The following SLC25A26 variants were observed in gnomAD, a reference collection of about 807,000 sequenced individuals.
SLC25A26 encodes mitochondrial S-adenosylmethionine carrier protein.
Under a neutral mutation model 37.8 loss-of-function variants are expected in SLC25A26, and 36 were observed. That is an observed-to-expected ratio of 0.95 (90% CI 0.73 to 1.26). The LOEUF (loss-of-function observed/expected upper bound fraction) is 1.26. Ranked by LOEUF, SLC25A26 falls within the 50% of genes most tolerant of loss-of-function variation. SLC25A26 has a pLI of 0.00. For synonymous variants in SLC25A26, 129 were observed against 122.5 expected (o/e 1.05, Z -0.35); for missense variants, 390 against 331.1 (o/e 1.18, Z -1.38).
chr3:66,185,795 C>T (rs965439993), intron 1 of SLC25A26, among the ~76,000 whole-genome samples: 14 of 151,918 alleles, frequency 9.2e-5, no homozygotes, highest in African/African-American at 3.4e-4. Flanking sequence ...CTGACTCTCA[C>T]CTCTCTTTGA....
chr3:66,260,453 C>A (rs1240166179), intron 3 of SLC25A26, among the ~76,000 whole-genome samples: 1 of 152,164 alleles, frequency 6.6e-6, no homozygotes, highest in Non-Finnish European at 1.5e-5. Context: ...CAGATGATAT[C>A]GTTTTGTAAA....
At chr3:66,162,896 A>T (rs1329519678) in intron 1 of SLC25A26, among the ~76,000 whole-genome samples, 1 of 152,194 alleles carries the variant, frequency 6.6e-6, no homozygotes, top group Non-Finnish European at 1.5e-5. Context: ...CAGCTGAGAA[A>T]GCTTAGGCTC....
rs369565166 is a variant in SLC25A26, at chr3:66,361,576, C to T, written c.499-1284C>T. Among the ~76,000 whole-genome samples the T allele has an allele frequency of 1.4e-4, 21 of 152,228 alleles. No homozygotes were observed. In the East Asian group the frequency reaches 2.5e-3, roughly 18 times the overall value. On this transcript the variant is annotated intron_variant, in intron 6 of 9. Coordinates refer to ENST00000354883, the MANE Select transcript of SLC25A26 (RefSeq NM_001379210.1). ...GATACGGTAACCCAGTACAAATGTG[C>T]AACATATTTGAACAGACACTTCACC...
chr3:66,272,841 T>C (rs2107367925), intron 5 of SLC25A26, among the ~76,000 whole-genome samples: 1 of 152,136 alleles, frequency 6.6e-6, no homozygotes, highest in East Asian at 1.9e-4. Flanking sequence ...TGAATAGGAG[T>C]GGTGAGAGAG....
At chr3:66,313,745 T>G (rs1002604286) in intron 5 of SLC25A26, among the ~76,000 whole-genome samples, 2 of 152,240 alleles carry the variant, frequency 1.3e-5, no homozygotes, top group Non-Finnish European at 2.9e-5. Flanking sequence ...ATTCTTCCTA[T>G]CCATGAGCGT....
intron 1 of SLC25A26, among the ~76,000 whole-genome samples, chr3:66,150,514 T>C (rs2070184102): frequency 9.8e-6 from 1 of 101,820 alleles, no homozygotes; most frequent in African/African-American, 4.2e-5. Context: ...AAAAAATATA[T>C]ATATATAATG....
chr3:66,151,321 A>G (rs1172196171), intron 1 of SLC25A26, among the ~76,000 whole-genome samples: 1 of 152,104 alleles, frequency 6.6e-6, no homozygotes, highest in Non-Finnish European at 1.5e-5. Flanking sequence ...CTACTCTGCT[A>G]GGTTACGAGG....
intron 5 of SLC25A26, among the ~76,000 whole-genome samples, chr3:66,301,756 TA>T (rs1399814802): frequency 6.6e-6 from 1 of 152,176 alleles, no homozygotes; most frequent in African/African-American, 2.4e-5. Context: ...GATACAGAAT[TA>T]AAAGCCTACA....
chr3:66,269,193 G>A (rs910694985), intron 5 of SLC25A26, among the ~76,000 whole-genome samples: 1 of 152,238 alleles, frequency 6.6e-6, no homozygotes, highest in African/African-American at 2.4e-5. Context: ...AGGCGGCTGT[G>A]ATAGCAGTAT....
At chr3:66,221,844 TG>T (rs1553658567) in intron 1 of SLC25A26, among the ~76,000 whole-genome samples, 1 of 150,086 alleles carries the variant, frequency 6.7e-6, no homozygotes, top group Non-Finnish European at 1.5e-5. Flanking sequence ...TTTCATTGTG[TG>T]GAATGGGCAG....
At chr3:66,250,503 T>C (rs1417273013) in intron 3 of SLC25A26, among the ~76,000 whole-genome samples, 1 of 152,194 alleles carries the variant, frequency 6.6e-6, no homozygotes. Context: ...TCCGGGCTAG[T>C]GATAGGTGAT....
chr3:66,303,116 A>G (rs1312047789), intron 5 of SLC25A26, among the ~76,000 whole-genome samples: 1 of 152,172 alleles, frequency 6.6e-6, no homozygotes, highest in African/African-American at 2.4e-5. Context: ...ATAATATAGT[A>G]GTTATCATGG....
At chr3:66,297,824 C>G (rs1162892330) in intron 5 of SLC25A26, among the ~76,000 whole-genome samples, 15 of 152,182 alleles carry the variant, frequency 9.9e-5, no homozygotes, top group Admixed American at 9.8e-4. Context: ...TTTTCTGAAT[C>G]CTAGACTAGA....
chr3:66,353,714 T>G (rs1291004499), intron 6 of SLC25A26, among the ~76,000 whole-genome samples: 1 of 152,218 alleles, frequency 6.6e-6, no homozygotes, highest in Non-Finnish European at 1.5e-5. Flanking sequence ...CCGTTGAATC[T>G]GCTGAGCTTG....
intron 5 of SLC25A26, among the ~76,000 whole-genome samples, chr3:66,319,165 C>G (rs1249515373): frequency 1.3e-5 from 2 of 152,006 alleles, no homozygotes; most frequent in African/African-American, 2.4e-5. Context: ...TTTGTAGAAC[C>G]AAAGTTACTG....
chr3:66,368,910 C>A (rs1351364517), intron 7 of SLC25A26, among the ~76,000 whole-genome samples: 1 of 151,242 alleles, frequency 6.6e-6, no homozygotes, highest in Non-Finnish European at 1.5e-5. Context: ...CCCAGCTACT[C>A]AGGAGGAGGC....
At chr3:66,250,404 C>T (rs187063994) in intron 3 of SLC25A26, among the ~76,000 whole-genome samples, 2 of 152,172 alleles carry the variant, frequency 1.3e-5, no homozygotes, top group East Asian at 1.9e-4. Flanking sequence ...CCGTGACTTA[C>T]GATGGTTCTA....
chr3:66,252,996 G>T (rs1054163626), intron 3 of SLC25A26, among the ~76,000 whole-genome samples: 1 of 141,446 alleles, frequency 7.1e-6, no homozygotes, highest in Non-Finnish European at 1.5e-5. Flanking sequence ...AAAATTTGCC[G>T]TTGGTTACTG....
intron 7 of SLC25A26, among the ~76,000 whole-genome samples, chr3:66,366,492 T>C (rs1179445046): frequency 6.6e-6 from 1 of 152,214 alleles, no homozygotes; most frequent in African/African-American, 2.4e-5. Context: ...AAAATACAAC[T>C]TCTCTCATGG....
Sources: allele counts gnomAD v4.1 joint callset (sites outside exome capture counted in the v4.1 genomes callset), GRCh38; gene constraint gnomAD v4.1.1; transcripts MANE v1.5; gene names NCBI Gene and HGNC (gene_info 2026-07-23, HGNC 2026-07-21).